SRSF11: variants seen among roughly 807,000 people sequenced by gnomAD.
SRSF11 encodes serine and arginine rich splicing factor 11, also known as serine/arginine-rich splicing factor 11.
In SRSF11, 9 loss-of-function variants were observed where a neutral mutation model predicts 56.0. That is an observed-to-expected ratio of 0.16 (90% CI 0.10 to 0.28). The LOEUF (loss-of-function observed/expected upper bound fraction) is 0.28. Among genes scored for constraint, SRSF11 ranks in the 10% least tolerant of loss-of-function variants. The pLI, the probability that SRSF11 is intolerant of heterozygous loss-of-function variation, is 1.00. For synonymous variants in SRSF11, 222 were observed against 215.3 expected (o/e 1.03, Z -0.27); for missense variants, 421 against 600.7 (o/e 0.70, Z 3.13).
chr1:70,219,847 A>T (rs1166399292), upstream of SRSF11, among the ~76,000 whole-genome samples: 10 of 152,334 alleles, frequency 6.6e-5, no homozygotes, highest in African/African-American at 2.4e-4. Flanking sequence ...CCAAATCTCA[A>T]TAACCTTGTG....
intron 6 of SRSF11, among the ~76,000 whole-genome samples, chr1:70,238,032 A>G (rs1015196194): frequency 2.0e-5 from 3 of 152,170 alleles, no homozygotes; most frequent in Admixed American, 6.5e-5. Context: ...AATAGATATC[A>G]TATTATCTGC....
intron 6 of SRSF11, among the ~76,000 whole-genome samples, 196 bp from the exon 7 acceptor site, chr1:70,239,243 C>T (rs549405478): frequency 1.2e-4 from 18 of 152,150 alleles, no homozygotes; most frequent in African/African-American, 3.4e-4. Flanking sequence ...AGGCACACAC[C>T]GCCATGCCCA....
chr1:70,227,483 A>G (rs141909264), intron 1 of SRSF11, among the ~76,000 whole-genome samples: 92 of 151,992 alleles, frequency 6.1e-4, no homozygotes, highest in African/African-American at 2.2e-3. Flanking sequence ...ATTACCCCCA[A>G]CCCCCAACCC....
chr1:70,210,864 TA>T (rs896092900), intron 1 of SRSF11, among the ~76,000 whole-genome samples: 1,945 of 148,468 alleles, frequency 0.013, 33 homozygotes, highest in African/African-American at 0.042. Flanking sequence ...GAAGAACTAG[TA>T]AAAAAAAAAA....
At chr1:70,205,918 G>C (rs144489332) in intron 1 of SRSF11, 79 of 162,978 alleles carry the variant, frequency 4.8e-4, no homozygotes, top group Non-Finnish European at 9.3e-4. Flanking sequence ...CCCTCTCCTA[G>C]TCTGAACGTG....
upstream of SRSF11, among the ~76,000 whole-genome samples, chr1:70,217,877 CTCT>C (rs370461893): frequency 6.6e-3 from 1,011 of 152,302 alleles, 13 homozygotes; most frequent in African/African-American, 0.023. Flanking sequence ...TATGATTCAA[CTCT>C]TCATTTGACT....
At chr1:70,231,830 G>A in intron 2 of SRSF11, 1 of 1,424,524 alleles carries the variant, frequency 7.0e-7, no homozygotes, top group Non-Finnish European at 9.3e-7. Context: ...TTTGTCTTGT[G>A]TATCTTGATT....
intron 1 of SRSF11, among the ~76,000 whole-genome samples, chr1:70,209,689 G>T (rs1244447784): frequency 1.5e-5 from 2 of 136,832 alleles, no homozygotes; most frequent in Non-Finnish European, 3.1e-5. Flanking sequence ...TGGCTCAAGA[G>T]ATCCTCGCAT....
chr1:70,247,200 T>C, intron 9 of SRSF11: 1 of 731,992 alleles, frequency 1.4e-6, no homozygotes, highest in Non-Finnish European at 1.7e-6. Context: ...CCATACTGAA[T>C]TGTTCCATTA....
At chr1:70,216,553 T>C (rs560626301), upstream of SRSF11, among the ~76,000 whole-genome samples, 6 of 151,970 alleles carry the variant, frequency 3.9e-5, no homozygotes, top group East Asian at 1.2e-3. Context: ...CACTTCAGCC[T>C]CCCAAGTAAT....
In SRSF11 at chr1:70,250,402, A is replaced by G; in HGVS notation, c.1156A>G (p.Arg386Gly). ...KEKKKDKDKE[R>G]SRDERERSTS... ...GAAGAAGAAAGATAAAGACAAAGAA[A>G]GAAGTAGGGATGAAAGAGAACGATC... The change falls in exon 11 of 12, where the codon AGA (arginine) becomes GGA (glycine). Residue 386 changes from arginine to glycine, a missense_variant. Physicochemically the swap from Arg to Gly is moderately radical, Grantham distance 125. Transcript: ENST00000370949. 2 of 1,602,708 alleles carry G rather than the reference A, an allele frequency of 1.2e-6. No individual in the cohort carries two copies. Among genetic ancestry groups the G allele is most frequent in the East Asian group, 4.5e-5 (2 of 44,754 alleles).
rs748056666 is a variant in SRSF11, at chr1:70,228,539, C to T, written c.321C>T (p.Val107=). ...TATTCGTTGACAGAGCTTTGATAGT[C>T]GTACCATATGCAGAAGGTTTGTGCT... The part of the protein sequence containing the change: ...NTVFVDRALI[V]VPYAEGVIPD... Residue 107 remains valine, a synonymous_variant, in exon 2 of 12, where the codon GTC becomes GTT. Coordinates refer to ENST00000370949, the MANE Select transcript of SRSF11 (RefSeq NM_001350605.2). The T allele has an allele frequency of 9.3e-6, 15 of 1,612,780 alleles. 1 individual carries two copies. Among genetic ancestry groups the T allele is most frequent in the South Asian group, 4.4e-5 (4 of 90,918 alleles).
At chr1:70,231,574 A>G (rs1672848410) in intron 2 of SRSF11, 20 of 1,126,062 alleles carry the variant, frequency 1.8e-5, no homozygotes, top group South Asian at 4.3e-5. Context: ...CAGGTAAGGA[A>G]TGTGCCATGT....
At chr1:70,242,623 C>A (rs1359436099) in intron 7 of SRSF11, among the ~76,000 whole-genome samples, 1 of 152,066 alleles carries the variant, frequency 6.6e-6, no homozygotes, top group Non-Finnish European at 1.5e-5. Context: ...TATCAAGCAT[C>A]ACATAGTGTG....
chr1:70,235,611 GT>G (rs758323607), intron 5 of SRSF11, 61 bp downstream of exon 5: 3 of 1,506,088 alleles, frequency 2.0e-6, no homozygotes, highest in Non-Finnish European at 2.7e-6. Flanking sequence ...CAGAATTAGA[GT>G]TTTTTTGATA....
intron 1 of SRSF11, among the ~76,000 whole-genome samples, chr1:70,215,284 A>T (rs145964387): frequency 6.6e-6 from 1 of 152,322 alleles, no homozygotes; most frequent in East Asian, 1.9e-4. Context: ...AGGGGAAAAA[A>T]AATATAGCCA....
intron 7 of SRSF11, 39 bp downstream of exon 7, chr1:70,239,559 A>T (rs772410174): frequency 7.2e-7 from 1 of 1,391,150 alleles, no homozygotes; most frequent in African/African-American, 1.5e-5. Context: ...TTAGACAAAG[A>T]TAATTTATAT....
At chr1:70,249,929 A>C in intron 9 of SRSF11, 23 bp from the exon 10 acceptor site, 1 of 1,611,514 alleles carries the variant, frequency 6.2e-7, no homozygotes, top group Non-Finnish European at 8.5e-7. Context: ...TTTAAAACCT[A>C]GTTTGCACAT....
At chr1:70,244,204 A>T (rs1676207042) in intron 7 of SRSF11, among the ~76,000 whole-genome samples, 1 of 152,220 alleles carries the variant, frequency 6.6e-6, no homozygotes, top group African/African-American at 2.4e-5. Context: ...TAGAAATAAT[A>T]GTGGCATTTA....
Sources: gnomAD v4.1 joint callset for allele counts (sites outside exome capture counted in the v4.1 genomes callset) on GRCh38, gnomAD v4.1.1 for gene constraint, MANE v1.5 for transcripts, NCBI Gene and HGNC (gene_info 2026-07-23, HGNC 2026-07-21) for gene names.